ARHGEF3: variants seen among roughly 807,000 people sequenced by gnomAD.
The protein encoded by ARHGEF3 is Rho guanine nucleotide exchange factor 3.
In ARHGEF3, 28 loss-of-function variants were observed where a neutral mutation model predicts 63.2. That is an observed-to-expected ratio of 0.44 (90% CI 0.33 to 0.61). The LOEUF is 0.61. ARHGEF3 is among the 20% of genes least tolerant of loss of function. ARHGEF3 has a pLI of 0.03. For synonymous variants in ARHGEF3, 266 were observed against 254.2 expected, an observed-to-expected ratio of 1.05 and a Z score of -0.44; for missense variants, 533 against 659.3, an observed-to-expected ratio of 0.81 and a Z score of 2.10.
At chr3:56,953,999 A>G (rs1699931635) in intron 3 of ARHGEF3, among the ~76,000 whole-genome samples, 1 of 152,190 alleles carries the variant, frequency 6.6e-6, no homozygotes, top group African/African-American at 2.4e-5. Context: ...ACAAGGTCTC[A>G]TTTTCTTTGT....
chr3:56,785,305 T>C (rs1038599194), intron 1 of ARHGEF3, among the ~76,000 whole-genome samples: 6 of 152,148 alleles, frequency 3.9e-5, no homozygotes, highest in African/African-American at 1.4e-4. Flanking sequence ...CAAGGCTATA[T>C]TGGAAGAAAG....
chr3:56,804,132 G>A (rs145732075), upstream of ARHGEF3, among the ~76,000 whole-genome samples: 148 of 152,198 alleles, frequency 9.7e-4, no homozygotes, highest in African/African-American at 3.3e-3. Flanking sequence ...CAATCCACCT[G>A]CCTCAACCAC....
intron 4 of ARHGEF3, among the ~76,000 whole-genome samples, chr3:56,876,051 G>A (rs2040576484): frequency 6.6e-6 from 1 of 152,172 alleles, no homozygotes; most frequent in Non-Finnish European, 1.5e-5. Context: ...GGGGGCATGA[G>A]CCAGGTGAAA....
intron 3 of ARHGEF3, chr3:56,882,414 G>C: frequency 6.9e-7 from 1 of 1,453,302 alleles, no homozygotes; most frequent in South Asian, 1.2e-5. Context: ...CTTTGATTAA[G>C]GCAAGAAAAA....
chr3:56,737,449 C>T, intron 7 of ARHGEF3, 94 bp from the exon 8 acceptor site: 2 of 935,902 alleles, frequency 2.1e-6, no homozygotes, highest in Non-Finnish European at 3.1e-6. Context: ...CACCAGGACA[C>T]ACCTGGATCT....
Position 56,727,921 on chromosome 3 carries a change from G to A in ARHGEF3, c.*1349C>T, listed in dbSNP as rs1439915825. The stretch of plus-strand genomic sequence containing the variant: ...CAATGCATTTACTGCTTTCTTTTCT[G>A]TAAACTTGAAAGACAGATTAAAAAA... On this transcript the variant is annotated 3_prime_UTR_variant, in exon 10 of 10. Coordinates refer to ENST00000296315, the MANE Select transcript of ARHGEF3 (RefSeq NM_019555.3). The A allele has an allele frequency of 2.0e-5, 3 of 152,408 alleles. No homozygotes were observed. The highest frequency in any genetic ancestry group is 4.4e-5 in the Non-Finnish European group (3 of 68,018). The allele number at this position is 152,408 out of a possible 1,614,324, so 9.4% of individuals were successfully genotyped here.
chr3:56,989,152 G>A (rs1262358508), intron 2 of ARHGEF3, among the ~76,000 whole-genome samples: 5 of 152,096 alleles, frequency 3.3e-5, no homozygotes, highest in Admixed American at 3.3e-4. Flanking sequence ...CAGCTCCGCT[G>A]CCGGGTGGCA....
intron 1 of ARHGEF3, among the ~76,000 whole-genome samples, chr3:56,779,463 G>T (rs1381602430): frequency 6.6e-6 from 1 of 152,010 alleles, no homozygotes; most frequent in Non-Finnish European, 1.5e-5. Context: ...TATGGTGCAT[G>T]TCAAAATAAA....
At chr3:56,992,724 A>G (rs1243051879) in intron 2 of ARHGEF3, among the ~76,000 whole-genome samples, 1 of 152,190 alleles carries the variant, frequency 6.6e-6, no homozygotes, top group Non-Finnish European at 1.5e-5. Flanking sequence ...GTGCTCTCTC[A>G]ACCCCAGCGC....
At chr3:57,017,066 G>A (rs368373947) in intron 2 of ARHGEF3, among the ~76,000 whole-genome samples, 9,644 of 111,474 alleles carry the variant, frequency 0.087, 418 homozygotes, top group Non-Finnish European at 0.13. Flanking sequence ...ACACACACAC[G>A]AGTCACCAAA....
At chr3:56,946,932 T>G (rs1268800112) in intron 3 of ARHGEF3, among the ~76,000 whole-genome samples, 1 of 152,186 alleles carries the variant, frequency 6.6e-6, no homozygotes, top group Admixed American at 6.6e-5. Flanking sequence ...TGATCTCTCC[T>G]CAGAAACTCT....
chr3:57,020,242 T>C (rs188853069), intron 2 of ARHGEF3, among the ~76,000 whole-genome samples: 32 of 152,274 alleles, frequency 2.1e-4, no homozygotes, highest in African/African-American at 6.3e-4. Flanking sequence ...AAAATCCTGA[T>C]GCTGTCACTG....
intron 4 of ARHGEF3, among the ~76,000 whole-genome samples, chr3:56,853,726 T>C (rs2039760278): frequency 6.6e-6 from 1 of 152,220 alleles, no homozygotes; most frequent in South Asian, 2.1e-4. Flanking sequence ...AAGCCATGGA[T>C]GCTCATTCCT....
Position 56,972,839 on chromosome 3 carries a change from C to T in ARHGEF3, c.63-13950G>A, listed in dbSNP as rs189285495. Among the ~76,000 whole-genome samples the T allele has an allele frequency of 1.2e-4, 18 of 151,930 alleles. No homozygotes were observed. In the South Asian group the frequency reaches 3.3e-3, roughly 28 times the overall value. The stretch of plus-strand genomic sequence containing the variant: ...GATTCCGAGCAGAAAACAAACCTGA[C>T]CTAAGTTTTAAAAGGATTGCTGTCA... On this transcript the variant is annotated intron_variant, in intron 2 of 12. Coordinates refer to the ARHGEF3 transcript ENST00000338458.
intron 3 of ARHGEF3, among the ~76,000 whole-genome samples, chr3:56,914,199 C>G (rs1274389145): frequency 1.3e-5 from 2 of 152,100 alleles, no homozygotes; most frequent in African/African-American, 4.8e-5. Context: ...ATGATGGGTG[C>G]AACAAAATTT....
intron 3 of ARHGEF3, among the ~76,000 whole-genome samples, chr3:56,923,077 A>ATATATATATATAT (rs2042191813): frequency 3.1e-5 from 3 of 98,336 alleles, no homozygotes; most frequent in Admixed American, 2.4e-4. Flanking sequence ...TATATATATA[A>ATATATATATATAT]ATTAGTTGGG....
chr3:56,928,407 T>C (rs2042329831), intron 3 of ARHGEF3, among the ~76,000 whole-genome samples: 1 of 152,136 alleles, frequency 6.6e-6, no homozygotes, highest in African/African-American at 2.4e-5. Flanking sequence ...CTGCTCCCAC[T>C]CAGGCTTGCA....
intron 4 of ARHGEF3, 65 bp from the exon 5 acceptor site, chr3:56,751,461 A>G: frequency 7.2e-7 from 1 of 1,397,000 alleles, no homozygotes; most frequent in Non-Finnish European, 1.0e-6. Context: ...TTGTTCATGT[A>G]AGTGGCTCCT....
chr3:56,751,211 C>T, intron 5 of ARHGEF3, 79 bp from the exon 6 acceptor site: 4 of 1,543,772 alleles, frequency 2.6e-6, no homozygotes, highest in Non-Finnish European at 3.6e-6. Context: ...GGGTTATTCA[C>T]ATTGCAGGCA....
Sources: allele counts gnomAD v4.1 joint callset (sites outside exome capture counted in the v4.1 genomes callset), GRCh38; gene constraint gnomAD v4.1.1; transcripts MANE v1.5; gene names NCBI Gene and HGNC (gene_info 2026-07-23, HGNC 2026-07-21).